Variants in ATG13 observed in about 807,000 individuals in gnomAD.
The protein encoded by ATG13 is autophagy-related protein 13.
In ATG13, 23 loss-of-function variants were observed where a neutral mutation model predicts 65.5. The ratio of observed to expected loss-of-function variants is 0.35; its 90% CI spans 0.25 to 0.50. The LOEUF is 0.50. Among genes scored for constraint, ATG13 ranks in the 20% least tolerant of loss-of-function variants. The pLI is 0.98. For missense variants in ATG13, 566 were observed against 677.0 expected, an observed-to-expected ratio of 0.84 and a Z score of 1.82; for synonymous variants, 252 against 245.2, an observed-to-expected ratio of 1.03 and a Z score of -0.26.
At chr11:46,662,232 T>C (rs1201696857) in intron 11 of ATG13, among the ~76,000 whole-genome samples, 1 of 152,232 alleles carries the variant, frequency 6.6e-6, no homozygotes, top group East Asian at 1.9e-4. Flanking sequence ...TTTCTTTTTA[T>C]TTTTATAAGC....
At chr11:46,626,821 GTA>G (rs1285283399) in intron 1 of ATG13, among the ~76,000 whole-genome samples, 1 of 152,174 alleles carries the variant, frequency 6.6e-6, no homozygotes, top group Admixed American at 6.5e-5. Flanking sequence ...CTATAAAGAA[GTA>G]TTTTCCCCAT....
In ATG13 at chr11:46,667,897, C is replaced by T; in HGVS notation, c.1251+10C>T. 1 of 1,585,948 alleles carries T rather than the reference C, an allele frequency of 6.3e-7. No homozygotes were observed. Among genetic ancestry groups the T allele is most frequent in the East Asian group, 2.2e-5 (1 of 44,502 alleles). On this transcript the variant is annotated intron_variant, in intron 15 of 18. Transcript: ENST00000683050. Reference sequence around the variant, plus strand: ...CAAACCCATTAACCAGGTGATTTTTCTGCCACTGCCACCTGTGAGAATGTC... The same window carrying T: ...CAAACCCATTAACCAGGTGATTTTTTTGCCACTGCCACCTGTGAGAATGTC...
At chr11:46,663,092 C>T (rs1434829667) in intron 11 of ATG13, among the ~76,000 whole-genome samples, 5 of 151,944 alleles carry the variant, frequency 3.3e-5, no homozygotes, top group South Asian at 2.1e-4. Context: ...GGTGAAACCC[C>T]GTCTCTACTA....
At chr11:46,657,824 C>G (rs141403538) in intron 10 of ATG13, among the ~76,000 whole-genome samples, 50 of 152,312 alleles carry the variant, frequency 3.3e-4, no homozygotes, top group African/African-American at 1.1e-3. Flanking sequence ...TTAGTATATA[C>G]AGACTGTCTC....
intron 5 of ATG13, 189 bp from the exon 6 acceptor site, chr11:46,648,948 A>G: frequency 2.3e-6 from 1 of 427,726 alleles, no homozygotes. Flanking sequence ...ATTAAGAAAA[A>G]ACAAGTCATC....
intron 2 of ATG13, among the ~76,000 whole-genome samples, chr11:46,636,090 T>C (rs913315829): frequency 6.6e-6 from 1 of 152,154 alleles, no homozygotes; most frequent in Non-Finnish European, 1.5e-5. Context: ...CTACAAATGA[T>C]AGATTCCAGT....
At chr11:46,639,047 G>A (rs1181946764) in intron 2 of ATG13, among the ~76,000 whole-genome samples, 1 of 151,780 alleles carries the variant, frequency 6.6e-6, no homozygotes, top group Non-Finnish European at 1.5e-5. Flanking sequence ...GAGTGTAGTG[G>A]TGCAATCTCG....
Position 46,672,514 on chromosome 11 carries a change from C to T in ATG13, c.*182C>T. ...CTCCTGGAGACTCCGTGGCGGCAGT[C>T]AAGCCCAGTGCCCAGTTGGAGAAGA... On this transcript the variant is annotated 3_prime_UTR_variant, in exon 19 of 19. Coordinates refer to ENST00000683050, the MANE Select transcript of ATG13 (RefSeq NM_001346311.2). The T allele has an allele frequency of 6.8e-7, 1 of 1,471,630 alleles. No individual in the cohort carries two copies. The allele number at this position is 1,471,630 out of a possible 1,614,324, so 91.2% of individuals were successfully genotyped here.
chr11:46,666,842 T>C (rs2062475812), intron 14 of ATG13, among the ~76,000 whole-genome samples: 1 of 152,110 alleles, frequency 6.6e-6, no homozygotes, highest in South Asian at 2.1e-4. Flanking sequence ...AAATGAACTT[T>C]CTCCTGATAG....
rs757276184 is a variant in ATG13 at position 46,668,953 on chromosome 11, A to G, written c.1446+43A>G. Reference sequence around the variant, plus strand: ...TCCTTGACCTTTGCTGTCCCGGGGAACTAGACCTAGAAGCATCTACTGCAC... The same window carrying G: ...TCCTTGACCTTTGCTGTCCCGGGGAGCTAGACCTAGAAGCATCTACTGCAC... On this transcript the variant is annotated intron_variant, in intron 17 of 18. Transcript: ENST00000683050. The G allele has an allele frequency of 8.8e-6, 13 of 1,478,138 alleles. No individual in the cohort carries two copies. In the East Asian group the frequency reaches 2.9e-4, roughly 33 times the overall value. 91.6% of individuals were successfully genotyped at this position (1,478,138 alleles called of 1,614,324 possible). A position where few individuals can be genotyped will look rare whatever the true frequency, so the allele number is the denominator to read the frequency against.
chr11:46,667,967 G>T (rs980587513), intron 15 of ATG13, 80 bp downstream of exon 15: 1 of 1,105,950 alleles, frequency 9.0e-7, no homozygotes, highest in Admixed American at 2.0e-5. Context: ...CTTAACCTGA[G>T]ATATTAATAT....
chr11:46,665,044 G>C lies in ATG13; in HGVS notation c.999+85G>C, dbSNP rs895127799. On this transcript the variant is annotated intron_variant, in intron 13 of 18. Transcript: ENST00000683050. ...AATTGAGGGGTCTCTCAAGGCAGAG[G>C]GATATGTTCTAAGTGCTATATTCTG... is the stretch of plus-strand genomic sequence containing the variant. The C allele has an allele frequency of 3.7e-4, 491 of 1,318,650 alleles. 4 individuals carry two copies. The highest frequency in any genetic ancestry group is 6.9e-5 in the Non-Finnish European group (64 of 932,476). 81.7% of individuals were successfully genotyped at this position (1,318,650 alleles called of 1,614,324 possible).
intron 5 of ATG13, 79 bp downstream of exon 5, chr11:46,646,068 T>G (rs1224856499): frequency 6.4e-7 from 1 of 1,557,756 alleles, no homozygotes; most frequent in African/African-American, 1.4e-5. Context: ...TTTCTCAGTC[T>G]TATTCCTGCC....
intron 5 of ATG13, among the ~76,000 whole-genome samples, chr11:46,647,626 C>T (rs940032711): frequency 1.3e-5 from 2 of 151,782 alleles, no homozygotes; most frequent in Admixed American, 6.6e-5. Flanking sequence ...GGCTGGAGTG[C>T]AGTGGCGCAG....
Position 46,620,161 on chromosome 11 carries a change from G to A in ATG13, c.-70+2271G>A, listed in dbSNP as rs186959820. 7.3e-3 allele frequency among the ~76,000 whole-genome samples: 1,100 copies of A among 150,870 alleles called. 22 individuals carry two copies. The highest frequency in any genetic ancestry group is 0.026 in the African/African-American group (1,068 of 41,206). ...GCTGGAGGACAGTGGCATGATCTCG[G>A]CACACTGCAACAACCTCCCCCTCCT... On this transcript the variant is annotated intron_variant, in intron 1 of 18. Coordinates refer to ENST00000683050, the MANE Select transcript of ATG13 (RefSeq NM_001346311.2).
At chr11:46,627,671 G>T (rs1214376399) in intron 1 of ATG13, among the ~76,000 whole-genome samples, 1 of 151,914 alleles carries the variant, frequency 6.6e-6, no homozygotes, top group Non-Finnish European at 1.5e-5. Flanking sequence ...TAGAGATGGG[G>T]TTTCTCCATG....
At chr11:46,668,285 G>A (rs2062838533) in intron 15 of ATG13, among the ~76,000 whole-genome samples, 1 of 152,200 alleles carries the variant, frequency 6.6e-6, no homozygotes, top group African/African-American at 2.4e-5. Flanking sequence ...GGGTCCTCAG[G>A]ACCCCAACCC....
intron 2 of ATG13, among the ~76,000 whole-genome samples, chr11:46,640,559 C>T (rs958762141): frequency 9.9e-5 from 15 of 152,150 alleles, no homozygotes; most frequent in Non-Finnish European, 1.9e-4. Context: ...TCCAGCTACT[C>T]GGAGGCCGAG....
chr11:46,618,995 C>G (rs2046362305), intron 1 of ATG13, among the ~76,000 whole-genome samples: 1 of 152,190 alleles, frequency 6.6e-6, no homozygotes, highest in South Asian at 2.1e-4. Flanking sequence ...GGAGCTTAAT[C>G]TCGAAGGAAG....
Sources: allele counts gnomAD v4.1 joint callset (sites outside exome capture counted in the v4.1 genomes callset), GRCh38; gene constraint gnomAD v4.1.1; transcripts MANE v1.5; gene names NCBI Gene and HGNC (gene_info 2026-07-23, HGNC 2026-07-21).